Variants in MARCHF10 observed in about 807,000 individuals in gnomAD.
MARCHF10 encodes membrane associated ring-CH-type finger 10.
Under a neutral mutation model 76.2 loss-of-function variants are expected in MARCHF10, and 64 were observed. That is an observed-to-expected ratio of 0.84 (90% CI 0.69 to 1.03). The LOEUF (loss-of-function observed/expected upper bound fraction) is 1.03. MARCHF10 is among the 50% of genes least tolerant of loss of function. MARCHF10 has a pLI of 0.00. For synonymous variants in MARCHF10, 340 were observed against 357.5 expected, an observed-to-expected ratio of 0.95 and a Z score of 0.55; for missense variants, 875 against 958.0, an observed-to-expected ratio of 0.91 and a Z score of 1.14.
intron 3 of MARCHF10, among the ~76,000 whole-genome samples, chr17:62,762,442 T>C (rs78164144): frequency 0.027 from 4,161 of 152,342 alleles, 70 homozygotes; most frequent in East Asian, 0.059. Context: ...AATGTGTTAA[T>C]GGACTTTTTT....
intron 8 of MARCHF10, among the ~76,000 whole-genome samples, chr17:62,715,950 G>C (rs9893851): frequency 6.6e-6 from 1 of 152,126 alleles, no homozygotes; most frequent in South Asian, 2.1e-4. Flanking sequence ...GTGCTGACCC[G>C]GCACCTAGAG....
At chr17:62,748,210 A>T (rs1291396253) in intron 4 of MARCHF10, among the ~76,000 whole-genome samples, 1 of 152,158 alleles carries the variant, frequency 6.6e-6, no homozygotes, top group Non-Finnish European at 1.5e-5. Flanking sequence ...AGCCTGGACA[A>T]AATAGTGAAA....
At position 62,737,199 on chromosome 17, in the gene MARCHF10, C is replaced by A. The variant is rs115463253; in HGVS notation, c.669G>T (p.Pro223=). 15 of 1,613,984 alleles carry A rather than the reference C, an allele frequency of 9.3e-6. No homozygotes were observed. Among genetic ancestry groups the A allele is most frequent in the Non-Finnish European group, 1.3e-5 (15 of 1,180,002 alleles). ...NAPDRAKKGD[P]SAPSQSELHP... is the part of the protein sequence containing the mutation. ...GCAGCTCACTCTGGGAAGGAGCACTCGGGTCTCCTTTTTTGGCTCTATCAG... is the reference window on the plus strand; with the variant it reads ...GCAGCTCACTCTGGGAAGGAGCACTAGGGTCTCCTTTTTTGGCTCTATCAG... Residue 223 remains proline, a synonymous_variant, in exon 6 of 11, where the codon CCG becomes CCT. Transcript: ENST00000311269.
intron 3 of MARCHF10, among the ~76,000 whole-genome samples, chr17:62,765,277 G>A (rs1248414775): frequency 4.0e-5 from 6 of 149,416 alleles, no homozygotes; most frequent in African/African-American, 1.5e-4. Flanking sequence ...GCTTGAACCC[G>A]GGAGGCAGAG....
intron 4 of MARCHF10, among the ~76,000 whole-genome samples, chr17:62,752,788 T>C (rs1474922400): frequency 6.6e-6 from 1 of 152,030 alleles, no homozygotes; most frequent in Non-Finnish European, 1.5e-5. Context: ...TCCTTTTGCT[T>C]TTGCTCCCGC....
intron 3 of MARCHF10, among the ~76,000 whole-genome samples, chr17:62,780,662 T>C (rs2092641151): frequency 1.3e-5 from 2 of 152,152 alleles, no homozygotes; most frequent in Admixed American, 6.5e-5. Flanking sequence ...GCAGAGCAAA[T>C]GGTGCACTTA....
At chr17:62,757,021 G>A (rs554633428) in intron 4 of MARCHF10, among the ~76,000 whole-genome samples, 40 of 152,246 alleles carry the variant, frequency 2.6e-4, no homozygotes, top group Admixed American at 2.1e-3. Flanking sequence ...TTAAATAGTT[G>A]TTTTGGAGGT....
intron 2 of MARCHF10, among the ~76,000 whole-genome samples, chr17:62,799,896 T>G (rs1462477036): frequency 6.6e-6 from 1 of 152,234 alleles, no homozygotes; most frequent in Non-Finnish European, 1.5e-5. Context: ...TCAGGGCCTT[T>G]GCACTGTCTC....
intron 8 of MARCHF10, among the ~76,000 whole-genome samples, chr17:62,713,547 G>A (rs1366513049): frequency 6.6e-6 from 1 of 152,220 alleles, no homozygotes; most frequent in East Asian, 1.9e-4. Context: ...TTGCAGAGCT[G>A]GTGATGCTCG....
At chr17:62,729,975 G>A (rs1476345378) in intron 6 of MARCHF10, among the ~76,000 whole-genome samples, 2 of 152,116 alleles carry the variant, frequency 1.3e-5, no homozygotes, top group Admixed American at 6.5e-5. Flanking sequence ...TGAAGTCAGG[G>A]GTTCGAGACC....
rs112052172 is a variant in MARCHF10 at position 62,788,472 on chromosome 17, C to A, written c.210+8G>T. 6.2e-7 allele frequency: 1 copy of A among 1,613,916 alleles called. No homozygotes were observed. Among genetic ancestry groups the A allele is most frequent in the Non-Finnish European group, 8.5e-7 (1 of 1,180,010 alleles). On this transcript the variant is annotated splice_region_variant and intron_variant, in intron 3 of 10. Coordinates refer to ENST00000311269, the MANE Select transcript of MARCHF10 (RefSeq NM_152598.4). ...CCCCAGGAGACTGTCTCCCAGAATTCTTCATACCTGTTTGGAAGATGACCT... is the reference window on the plus strand; with the variant it reads ...CCCCAGGAGACTGTCTCCCAGAATTATTCATACCTGTTTGGAAGATGACCT...
chr17:62,747,231 G>C (rs915654980), intron 4 of MARCHF10, among the ~76,000 whole-genome samples: 5 of 152,172 alleles, frequency 3.3e-5, no homozygotes, highest in Admixed American at 2.0e-4. Context: ...CCCAACTACA[G>C]GGGAACTTCA....
chr17:62,783,165 G>C (rs947445301), intron 3 of MARCHF10, among the ~76,000 whole-genome samples: 1 of 129,158 alleles, frequency 7.7e-6, no homozygotes, highest in African/African-American at 3.1e-5. Context: ...AAAATATCCT[G>C]TCCTCATATT....
At chr17:62,787,576 G>A in intron 3 of MARCHF10, among the ~76,000 whole-genome samples, 1 of 152,152 alleles carries the variant, frequency 6.6e-6, no homozygotes, top group East Asian at 1.9e-4. Context: ...TATTAGATAA[G>A]ATCTTAAACA....
At chr17:62,784,593 T>C (rs1266443098) in intron 3 of MARCHF10, among the ~76,000 whole-genome samples, 1 of 152,210 alleles carries the variant, frequency 6.6e-6, no homozygotes, top group Non-Finnish European at 1.5e-5. Context: ...TGTCCCTGTT[T>C]GCAGATGACA....
intron 4 of MARCHF10, among the ~76,000 whole-genome samples, chr17:62,757,953 C>A (rs1392970790): frequency 6.6e-6 from 1 of 152,166 alleles, no homozygotes; most frequent in Admixed American, 6.5e-5. Flanking sequence ...TGAAGTACAT[C>A]TGTATTAATT....
intron 2 of MARCHF10, among the ~76,000 whole-genome samples, chr17:62,799,421 C>A (rs114247393): frequency 0.01 from 1,535 of 152,306 alleles, 32 homozygotes; most frequent in African/African-American, 0.035. Flanking sequence ...ACTATTCCCC[C>A]ACTTAAACCA....
intron 10 of MARCHF10, among the ~76,000 whole-genome samples, chr17:62,704,346 G>A (rs1166289174): frequency 1.3e-5 from 2 of 152,108 alleles, no homozygotes; most frequent in Admixed American, 1.3e-4. Context: ...CGAGGCCGGG[G>A]TCGGGGGTGG....
chr17:62,781,373 A>G (rs1042365206), intron 3 of MARCHF10, among the ~76,000 whole-genome samples: 1 of 152,166 alleles, frequency 6.6e-6, no homozygotes, highest in Non-Finnish European at 1.5e-5. Flanking sequence ...CAATGATCCC[A>G]CGAGATATGC....
Sources: allele counts gnomAD v4.1 joint callset (sites outside exome capture counted in the v4.1 genomes callset), GRCh38; gene constraint gnomAD v4.1.1; transcripts MANE v1.5; gene names NCBI Gene and HGNC (gene_info 2026-07-23, HGNC 2026-07-21).